The following AFF2 variants were observed in gnomAD, a reference collection of about 807,000 sequenced individuals.
AFF2 encodes ALF transcription elongation factor 2, also known as AF4/FMR2 family member 2.
AFF2 carries 14 observed loss-of-function variants against 76.9 expected under a neutral mutation model. The observed-to-expected ratio is 0.18, with a 90% CI of 0.12 to 0.28. The LOEUF (loss-of-function observed/expected upper bound fraction) is 0.28, where lower values mean the gene tolerates loss of function less well. Ranked by LOEUF, AFF2 falls within the 10% of genes least tolerant of loss-of-function variation. AFF2 has a pLI of 1.00. For missense variants in AFF2, 868 were observed against 1,001.1 expected (o/e 0.87, Z 1.79); for synonymous variants, 398 against 366.7 (o/e 1.09, Z -0.98).
intron 7 of AFF2, among the ~76,000 whole-genome samples, chrX:148,871,574 G>C (rs1557277362): frequency 8.9e-6 from 1 of 111,885 alleles, no homozygotes; most frequent in African/African-American, 3.3e-5. Context: ...TCGTATTAGA[G>C]CAACTCATCC....
At chrX:148,569,966 T>A (rs1033566565) in intron 1 of AFF2, among the ~76,000 whole-genome samples, 1 of 111,892 alleles carries the variant, frequency 8.9e-6, no homozygotes, top group Non-Finnish European at 1.9e-5. Context: ...TGTCTCCATC[T>A]CACTGGCTTG....
chrX:148,594,295 C>G (rs1014236250), intron 1 of AFF2, among the ~76,000 whole-genome samples: 9 of 111,971 alleles, frequency 8.0e-5, no homozygotes, highest in Non-Finnish European at 1.5e-4. Context: ...GAACACCCTC[C>G]TGAGGACCTC....
At chrX:148,652,397 C>A (rs1220066120) in intron 2 of AFF2, among the ~76,000 whole-genome samples, 2 of 111,584 alleles carry the variant, frequency 1.8e-5, no homozygotes, top group African/African-American at 3.3e-5. Context: ...CTGCCCAACA[C>A]TTCCTACAGC....
At chrX:148,505,387 C>A (rs2052400618) in intron 1 of AFF2, among the ~76,000 whole-genome samples, 1 of 111,896 alleles carries the variant, frequency 8.9e-6, no homozygotes, top group South Asian at 3.7e-4. Context: ...ATGATTCAGT[C>A]AAGCATTTAA....
chrX:148,592,502 A>AAG (rs1557246812), intron 1 of AFF2, among the ~76,000 whole-genome samples: 5 of 108,501 alleles, frequency 4.6e-5, no homozygotes, highest in African/African-American at 1.0e-4. Flanking sequence ...AAAAAAAAAA[A>AAG]AGTATATTTT....
intron 3 of AFF2, among the ~76,000 whole-genome samples, chrX:148,779,451 C>A (rs782169824): frequency 9.0e-6 from 1 of 111,432 alleles, no homozygotes; most frequent in African/African-American, 3.3e-5. Context: ...GGTGTTAAAG[C>A]GTCCCACTAT....
At chrX:148,709,652 G>A (rs1296085484) in intron 3 of AFF2, among the ~76,000 whole-genome samples, 1 of 112,123 alleles carries the variant, frequency 8.9e-6, no homozygotes, top group Non-Finnish European at 1.9e-5. Context: ...TGTTTGAATT[G>A]TGAGATACAC....
chrX:148,785,991 T>C (rs1465340516), intron 3 of AFF2, among the ~76,000 whole-genome samples: 2 of 111,784 alleles, frequency 1.8e-5, no homozygotes, highest in Non-Finnish European at 3.8e-5. Flanking sequence ...GTGCCCAATG[T>C]AACATAGGGA....
chrX:148,718,214 C>A (rs2055049540), intron 3 of AFF2, among the ~76,000 whole-genome samples: 1 of 111,291 alleles, frequency 9.0e-6, no homozygotes, highest in East Asian at 2.9e-4. Flanking sequence ...AAAGTGAATT[C>A]ATTTAGAGAG....
At chrX:148,527,420 T>A (rs2052674517) in intron 1 of AFF2, among the ~76,000 whole-genome samples, 1 of 112,091 alleles carries the variant, frequency 8.9e-6, no homozygotes, top group Admixed American at 9.4e-5. Flanking sequence ...TTAGATTGGA[T>A]CTTGGACCCT....
chrX:148,871,702 A>G (rs891526735), intron 7 of AFF2, among the ~76,000 whole-genome samples: 2 of 111,152 alleles, frequency 1.8e-5, no homozygotes, highest in African/African-American at 6.6e-5. Flanking sequence ...TACTACCCTC[A>G]GGTTTGGAAA....
At chrX:148,635,645 G>A (rs781918171) in intron 1 of AFF2, among the ~76,000 whole-genome samples, 3 of 111,533 alleles carry the variant, frequency 2.7e-5, no homozygotes, top group Non-Finnish European at 5.6e-5. Context: ...GCACAGTGTT[G>A]GGGACTGGAA....
At chrX:148,774,002 A>G (rs2069636760) in intron 3 of AFF2, among the ~76,000 whole-genome samples, 1 of 111,605 alleles carries the variant, frequency 9.0e-6, no homozygotes, top group Admixed American at 9.5e-5. Flanking sequence ...ACCATTTCCA[A>G]GAATTTCCTC....
chrX:148,956,627 A>G lies in AFF2; in HGVS notation c.2568+14A>G, dbSNP rs1557287441. ...CGTAAGCACAAGGTAAGCTGTCTAA[A>G]GTGGCCTGCCAAGTGCTTGTGAGCA... On this transcript the variant is annotated intron_variant, in intron 11 of 20. Coordinates refer to ENST00000370460, the MANE Select transcript of AFF2 (RefSeq NM_002025.4). 1 of 1,190,399 alleles carries G rather than the reference A, an allele frequency of 8.4e-7. No individual in the cohort carries two copies. Among genetic ancestry groups the G allele is most frequent in the Non-Finnish European group, 1.1e-6 (1 of 885,098 alleles).
intron 5 of AFF2, among the ~76,000 whole-genome samples, chrX:148,841,212 T>C (rs1603310738): frequency 8.9e-6 from 1 of 112,043 alleles, no homozygotes; most frequent in Admixed American, 9.5e-5. Context: ...TTCCTGGAGG[T>C]ATACAAGCCC....
chrX:148,950,715 G>C (rs569156109), intron 9 of AFF2, among the ~76,000 whole-genome samples: 4 of 111,760 alleles, frequency 3.6e-5, no homozygotes, highest in Middle Eastern at 9.3e-3. Flanking sequence ...CATAATTTCA[G>C]GTCTCATTTC....
chrX:148,949,021 A>AT (rs1356630507), intron 9 of AFF2, among the ~76,000 whole-genome samples: 1 of 109,925 alleles, frequency 9.1e-6, no homozygotes, highest in Non-Finnish European at 1.9e-5. Context: ...TTGGTTTTGT[A>AT]TTTACCGTGG....
chrX:148,900,558 G>A (rs1557280778), intron 8 of AFF2, among the ~76,000 whole-genome samples: 1 of 111,136 alleles, frequency 9.0e-6, no homozygotes, highest in Non-Finnish European at 1.9e-5. Context: ...CCATGACAGA[G>A]GTGGCCCATG....
In AFF2 at chrX:148,967,033, A is replaced by G; in HGVS notation, c.3157A>G (p.Ser1053Gly). The change falls in exon 14 of 21, where the codon AGC becomes GGC. Residue 1053 changes from serine to glycine, a missense_variant. Coordinates refer to ENST00000370460, the MANE Select transcript of AFF2 (RefSeq NM_002025.4). ...TSWAALPLLS[S>G]SSTNVRRPKL... is the part of the protein sequence containing the mutation. ...CTGGGCGGCTCTGCCCCTTCTATCC[A>G]GCAGCAGCACTAATGTCCGGAGACC... The G allele has an allele frequency of 2.9e-5, 35 of 1,211,519 alleles. No homozygotes were observed. Among genetic ancestry groups the G allele is most frequent in the Non-Finnish European group, 3.8e-5 (34 of 895,514 alleles).
Sources: allele counts gnomAD v4.1 joint callset (sites outside exome capture counted in the v4.1 genomes callset), GRCh38; gene constraint gnomAD v4.1.1; transcripts MANE v1.5; gene names NCBI Gene and HGNC (gene_info 2026-07-23, HGNC 2026-07-21).